TENM2: variants seen among roughly 807,000 people sequenced by gnomAD.
TENM2 encodes the protein teneurin-2.
TENM2 carries 52 observed loss-of-function variants against 245.2 expected under a neutral mutation model. The observed-to-expected ratio is 0.21, with a 90% CI of 0.17 to 0.27. The LOEUF is 0.27. Ranked by LOEUF, TENM2 falls within the 10% of genes least tolerant of loss-of-function variation. TENM2 has a pLI of 1.00. For synonymous variants in TENM2, 1,363 were observed against 1,438.9 expected (o/e 0.95, Z 1.19); for missense variants, 3,046 against 3,666.8 (o/e 0.83, Z 4.37).
At chr5:167,251,434 A>G in the TENM2 span, among the ~76,000 whole-genome samples, 130 of 152,278 alleles carry the variant, frequency 8.5e-4, 1 homozygote, top group South Asian at 0.021. Context: ...TTATATATCT[A>G]TTATGCTTTT....
chr5:167,848,037 A>G (rs897661617), intron 2 of TENM2, among the ~76,000 whole-genome samples: 1 of 152,188 alleles, frequency 6.6e-6, no homozygotes, highest in East Asian at 1.9e-4. Context: ...TATGTTCCCT[A>G]CAGATAAGAT....
chr5:167,806,990 G>A (rs955736921), intron 2 of TENM2, among the ~76,000 whole-genome samples: 4 of 151,594 alleles, frequency 2.6e-5, no homozygotes, highest in African/African-American at 9.7e-5. Flanking sequence ...CAGTCACAAA[G>A]ACATAATTGA....
intron 2 of TENM2, among the ~76,000 whole-genome samples, chr5:167,530,070 A>G (rs2127591942): frequency 6.6e-6 from 1 of 152,352 alleles, no homozygotes; most frequent in South Asian, 2.1e-4. Flanking sequence ...TGCTGCTCAA[A>G]GTTAATCTGC....
chr5:167,376,567 C>T (rs1478101125), intron 2 of TENM2, among the ~76,000 whole-genome samples: 2 of 152,024 alleles, frequency 1.3e-5, no homozygotes, highest in African/African-American at 4.8e-5. Flanking sequence ...CTGGGTAAGT[C>T]GCACATACTC....
exon 10 of TENM2, chr5:168,118,351 T>C (rs1795233172): frequency 1.9e-6 from 3 of 1,611,438 alleles, no homozygotes; most frequent in Non-Finnish European, 1.7e-6. Context: ...GTGCCAGTGC[T>C]ACAGCGGCTG....
chr5:167,203,522 C>T, the TENM2 span, among the ~76,000 whole-genome samples: 1 of 152,294 alleles, frequency 6.6e-6, no homozygotes, highest in African/African-American at 2.4e-5. Flanking sequence ...CAAAGGTTTT[C>T]TTCCTCGAAC....
intron 2 of TENM2, among the ~76,000 whole-genome samples, chr5:167,550,383 G>C (rs1017516957): frequency 1.3e-5 from 2 of 152,102 alleles, no homozygotes; most frequent in South Asian, 4.1e-4. Context: ...TTGCCTTTTA[G>C]GATCAAAATA....
At chr5:168,121,985 G>A (rs1210428733) in intron 10 of TENM2, among the ~76,000 whole-genome samples, 2 of 152,182 alleles carry the variant, frequency 1.3e-5, no homozygotes, top group Non-Finnish European at 2.9e-5. Flanking sequence ...AAGCAAGAAA[G>A]AAGTTGTTAG....
chr5:167,894,616 C>A (rs1000725623), intron 3 of TENM2, among the ~76,000 whole-genome samples: 5 of 152,140 alleles, frequency 3.3e-5, no homozygotes, highest in African/African-American at 1.2e-4. Flanking sequence ...CTTGGATACC[C>A]CTGCCCCATC....
chr5:167,729,880 T>G (rs1760294276), intron 2 of TENM2, among the ~76,000 whole-genome samples: 1 of 152,212 alleles, frequency 6.6e-6, no homozygotes, highest in African/African-American at 2.4e-5. Flanking sequence ...CGTGAGCACT[T>G]GTTGAAATAG....
At chr5:168,256,878 A>G (rs1767716984) in intron 27 of TENM2, among the ~76,000 whole-genome samples, 4 of 152,194 alleles carry the variant, frequency 2.6e-5, no homozygotes, top group Admixed American at 2.0e-4. Flanking sequence ...CAGCAATGTC[A>G]ACGTTAAATA....
At chr5:167,189,582 T>C in the TENM2 span, among the ~76,000 whole-genome samples, 1 of 151,878 alleles carries the variant, frequency 6.6e-6, no homozygotes, top group South Asian at 2.1e-4. Context: ...CTTTGTTTTG[T>C]TTTAGAGAGA....
chr5:167,209,082 A>T, the TENM2 span, among the ~76,000 whole-genome samples: 8 of 152,172 alleles, frequency 5.3e-5, no homozygotes, highest in Admixed American at 3.3e-4. Context: ...GGTATAAGTC[A>T]CACCATGTTG....
intron 4 of TENM2, among the ~76,000 whole-genome samples, chr5:167,953,156 A>G (rs1187687398): frequency 5.9e-5 from 9 of 152,250 alleles, no homozygotes; most frequent in African/African-American, 2.2e-4. Context: ...AGCTGCTGAT[A>G]AATTATGCAT....
intron 2 of TENM2, among the ~76,000 whole-genome samples, chr5:167,559,166 G>T (rs1773434956): frequency 6.6e-6 from 1 of 152,160 alleles, no homozygotes; most frequent in African/African-American, 2.4e-5. Context: ...CTTCATATCT[G>T]AGTAGAATAT....
At chr5:168,131,963 C>A (rs1754618485) in intron 12 of TENM2, among the ~76,000 whole-genome samples, 1 of 152,130 alleles carries the variant, frequency 6.6e-6, no homozygotes, top group African/African-American at 2.4e-5. Flanking sequence ...TGGCCTTTTA[C>A]TGATAAAGAT....
intron 25 of TENM2, among the ~76,000 whole-genome samples, chr5:168,238,006 A>G (rs543126553): frequency 4.6e-5 from 7 of 151,362 alleles, no homozygotes; most frequent in South Asian, 2.1e-4. Flanking sequence ...TTAGCTGGGC[A>G]TGGTGGCGGG....
the TENM2 span, among the ~76,000 whole-genome samples, chr5:167,275,614 G>A: frequency 6.6e-6 from 1 of 151,952 alleles, no homozygotes; most frequent in Non-Finnish European, 1.5e-5. Flanking sequence ...CATTTTGTTA[G>A]TGATTCTAAA....
chr5:167,543,235 CA>C (rs1330880563), intron 2 of TENM2, among the ~76,000 whole-genome samples: 1 of 152,120 alleles, frequency 6.6e-6, no homozygotes, highest in Non-Finnish European at 1.5e-5. Context: ...ACGGTGGTAC[CA>C]CATTCCATTG....
Sources: allele counts gnomAD v4.1 joint callset (sites outside exome capture counted in the v4.1 genomes callset), GRCh38; gene constraint gnomAD v4.1.1; transcripts MANE v1.5; gene names NCBI Gene and HGNC (gene_info 2026-07-23, HGNC 2026-07-21).